Variants in SEC14L1 observed in about 807,000 individuals in gnomAD.
The protein encoded by SEC14L1 is SEC14-like protein 1.
Under a neutral mutation model 85.3 loss-of-function variants are expected in SEC14L1, and 48 were observed. The observed-to-expected ratio is 0.56, with a 90% CI of 0.45 to 0.72. SEC14L1 has a LOEUF of 0.72. SEC14L1 is among the 30% of genes least tolerant of loss of function. The probability of loss-of-function intolerance (pLI) is 0.00; values close to 1 mark genes in which losing one functional copy is unlikely to be tolerated. For synonymous variants in SEC14L1, 391 were observed against 355.5 expected (o/e 1.10, Z -1.12); for missense variants, 682 against 921.4 (o/e 0.74, Z 3.36).
chr17:77,184,407 G>T (rs2143758242), intron 3 of SEC14L1, among the ~76,000 whole-genome samples: 1 of 152,254 alleles, frequency 6.6e-6, no homozygotes, highest in East Asian at 1.9e-4. Context: ...AGAAAATGGT[G>T]ATTTCCTAAT....
Position 77,203,610 on chromosome 17 carries a change from C to T in SEC14L1, c.1050C>T (p.Asp350=), listed in dbSNP as rs200337735. 2 of 1,613,822 alleles carry T rather than the reference C, an allele frequency of 1.2e-6. No individual in the cohort carries two copies. Among genetic ancestry groups the T allele is most frequent in the East Asian group, 4.5e-5 (2 of 44,874 alleles). ...ACGTGCTCAGGCTGGGGCAGATGGA[C>T]ACCAAAGGCTTGGTGAGAGCGCTCG... ...PLYVLRLGQM[D]TKGLVRALGE... Residue 350 remains aspartate (D), a synonymous_variant, in exon 10 of 17, where the codon GAC becomes GAT. Transcript: ENST00000436233.
At chr17:77,103,367 C>T (rs1402423641) in intron 3 of SEC14L1, among the ~76,000 whole-genome samples, 1 of 151,980 alleles carries the variant, frequency 6.6e-6, no homozygotes, top group African/African-American at 2.4e-5. Context: ...CCTGCCTCGG[C>T]CTCCCAAAGT....
intron 3 of SEC14L1, among the ~76,000 whole-genome samples, chr17:77,167,422 A>G (rs952707171): frequency 1.3e-5 from 2 of 152,208 alleles, no homozygotes; most frequent in African/African-American, 2.4e-5. Context: ...GACATGAGCC[A>G]CTGCGCCTGG....
At chr17:77,184,850 G>A (rs1236328633) in intron 3 of SEC14L1, among the ~76,000 whole-genome samples, 1 of 152,132 alleles carries the variant, frequency 6.6e-6, no homozygotes, top group Non-Finnish European at 1.5e-5. Context: ...TGTTTTTCAG[G>A]GCCTGCTTAC....
chr17:77,196,120 G>A (rs964019560), intron 7 of SEC14L1, 82 bp from the exon 8 acceptor site: 29 of 1,083,540 alleles, frequency 2.7e-5, no homozygotes, highest in Middle Eastern at 2.8e-4. Context: ...AGGACCACAC[G>A]TTAACTCCAC....
chr17:77,098,807 A>C (rs1971704469), intron 3 of SEC14L1, among the ~76,000 whole-genome samples: 1 of 152,122 alleles, frequency 6.6e-6, no homozygotes, highest in Non-Finnish European at 1.5e-5. Context: ...TTCCCTGAAC[A>C]CTACTTCTAC....
intron 3 of SEC14L1, chr17:77,144,950 C>T (rs994572592): frequency 2.0e-5 from 3 of 151,750 alleles, no homozygotes; most frequent in Non-Finnish European, 2.9e-5. Context: ...GTTTTGCTCT[C>T]GTCCAGGCTG....
chr17:77,207,038 G>A (rs1305667210), intron 13 of SEC14L1, among the ~76,000 whole-genome samples, 176 bp downstream of exon 13: 2 of 152,182 alleles, frequency 1.3e-5, no homozygotes, highest in Admixed American at 6.5e-5. Context: ...AACCATTGAA[G>A]TAATTGTTGA....
intron 3 of SEC14L1, among the ~76,000 whole-genome samples, chr17:77,120,870 T>C (rs1274062717): frequency 1.3e-5 from 2 of 152,198 alleles, no homozygotes; most frequent in Non-Finnish European, 2.9e-5. Context: ...ATTCAGCTAA[T>C]TGCATGTCCC....
At chr17:77,147,758 A>C (rs1973378306) in intron 3 of SEC14L1, among the ~76,000 whole-genome samples, 1 of 152,238 alleles carries the variant, frequency 6.6e-6, no homozygotes, top group South Asian at 2.1e-4. Flanking sequence ...AAGGCGCACC[A>C]GGGAACCTTC....
At chr17:77,132,974 C>T (rs760925183) in intron 3 of SEC14L1, among the ~76,000 whole-genome samples, 3 of 151,958 alleles carry the variant, frequency 2.0e-5, no homozygotes, top group Non-Finnish European at 4.4e-5. Context: ...GTGATTCTCC[C>T]ACTTGAGGAT....
intron 2 of SEC14L1, among the ~76,000 whole-genome samples, chr17:77,090,715 C>G (rs1260711304): frequency 6.7e-6 from 1 of 149,288 alleles, no homozygotes; most frequent in Non-Finnish European, 1.5e-5. Flanking sequence ...AAGAGCTGGG[C>G]GCGGTGGCTC....
chr17:77,200,190 G>A (rs551344761), intron 8 of SEC14L1, among the ~76,000 whole-genome samples: 2 of 152,224 alleles, frequency 1.3e-5, no homozygotes, highest in African/African-American at 4.8e-5. Context: ...GGGAATTTTA[G>A]GGTCTTATTC....
At chr17:77,134,584 T>C (rs1326593373) in intron 3 of SEC14L1, among the ~76,000 whole-genome samples, 1 of 151,748 alleles carries the variant, frequency 6.6e-6, no homozygotes, top group East Asian at 1.9e-4. Context: ...ATACAAAAAT[T>C]AGGCAGGTGT....
At chr17:77,187,788 A>G (rs1975337064) in intron 3 of SEC14L1, among the ~76,000 whole-genome samples, 1 of 142,478 alleles carries the variant, frequency 7.0e-6, no homozygotes, top group African/African-American at 2.6e-5. Context: ...TCTGTTACCC[A>G]GGCTGGAGTG....
chr17:77,155,470 T>G (rs1973765218), intron 3 of SEC14L1, among the ~76,000 whole-genome samples: 1 of 152,144 alleles, frequency 6.6e-6, no homozygotes, highest in African/African-American at 2.4e-5. Context: ...CTGGCAGCCT[T>G]CCTTCCTCAC....
At chr17:77,090,126 C>G (rs924585799) in intron 2 of SEC14L1, 1 of 151,866 alleles carries the variant, frequency 6.6e-6, no homozygotes, top group Non-Finnish European at 1.5e-5. Flanking sequence ...GTCAACAGTT[C>G]AAGACCAGCC....
In SEC14L1 at chr17:77,216,530, C is replaced by A; in HGVS notation, c.*2507C>A. Reference sequence around the variant, plus strand: ...TGAAGGTGGTCCCTGCTTTCTCTTTCTCTTTCTCTGTGTCTCAGATGGCGA... The same window carrying A: ...TGAAGGTGGTCCCTGCTTTCTCTTTATCTTTCTCTGTGTCTCAGATGGCGA... On this transcript the variant is annotated 3_prime_UTR_variant, in exon 17 of 17. Transcript: ENST00000436233. 1 of 1,613,246 alleles carries A rather than the reference C, an allele frequency of 6.2e-7. No homozygotes were observed. Among genetic ancestry groups the A allele is most frequent in the East Asian group, 2.2e-5 (1 of 44,890 alleles).
chr17:77,128,602 GCA>G (rs1972523393), intron 3 of SEC14L1, among the ~76,000 whole-genome samples: 1 of 151,716 alleles, frequency 6.6e-6, no homozygotes, highest in African/African-American at 2.4e-5. Flanking sequence ...GGGATTACAG[GCA>G]CATGCCACCA....
Sources: gnomAD v4.1 joint callset for allele counts (sites outside exome capture counted in the v4.1 genomes callset) on GRCh38, gnomAD v4.1.1 for gene constraint, MANE v1.5 for transcripts, NCBI Gene and HGNC (gene_info 2026-07-23, HGNC 2026-07-21) for gene names.